EMILIN2: variants seen among roughly 807,000 people sequenced by gnomAD.
EMILIN2 encodes the protein EMILIN-2.
In EMILIN2, 71 loss-of-function variants were observed where a neutral mutation model predicts 87.1. The observed-to-expected ratio is 0.82, with a 90% CI of 0.67 to 0.99. The LOEUF is 0.99. EMILIN2 is among the 50% of genes least tolerant of loss of function. EMILIN2 has a pLI of 0.00. For synonymous variants in EMILIN2, 581 were observed against 563.4 expected (o/e 1.03, Z -0.44); for missense variants, 1,407 against 1,371.8 (o/e 1.03, Z -0.40).
chr18:2,905,119 G>A (rs757149906), intron 4 of EMILIN2, among the ~76,000 whole-genome samples: 2 of 151,988 alleles, frequency 1.3e-5, no homozygotes, highest in Admixed American at 6.6e-5. Context: ...ATTGTATGGC[G>A]TGAACTAACT....
intron 2 of EMILIN2, among the ~76,000 whole-genome samples, chr18:2,855,906 C>A (rs984659717): frequency 1.3e-5 from 2 of 152,180 alleles, no homozygotes; most frequent in African/African-American, 4.8e-5. Flanking sequence ...TCACCGTTTT[C>A]ATTGTTTGTC....
rs373148031 is a variant in EMILIN2 at position 2,858,547 on chromosome 18, A to G, written c.257+10616A>G. 4.3e-3 allele frequency among the ~76,000 whole-genome samples: 208 copies of G among 48,028 alleles called. 11 individuals are homozygous for G. The highest frequency in any genetic ancestry group is 4.2e-3 in the Non-Finnish European group (122 of 29,234). 31.5% of individuals were successfully genotyped at this position (48,028 alleles called of 152,430 possible). A position where few individuals can be genotyped will look rare whatever the true frequency, so the allele number is the denominator to read the frequency against. ...CATATATATATATATATATATATAT[A>G]TATATATATATATATATATATATGT... On this transcript the variant is annotated intron_variant, in intron 2 of 7. Coordinates refer to ENST00000254528, the MANE Select transcript of EMILIN2 (RefSeq NM_032048.3).
At chr18:2,873,646 G>A (rs921138039) in intron 2 of EMILIN2, among the ~76,000 whole-genome samples, 4 of 152,050 alleles carry the variant, frequency 2.6e-5, no homozygotes, top group Non-Finnish European at 5.9e-5. Context: ...GGCGGAGCTT[G>A]CAGTGAGCCA....
intron 4 of EMILIN2, among the ~76,000 whole-genome samples, chr18:2,897,334 C>T (rs1375309911): frequency 6.6e-6 from 1 of 152,158 alleles, no homozygotes; most frequent in Non-Finnish European, 1.5e-5. Flanking sequence ...ATTACTTAAA[C>T]CCTCCATACC....
chr18:2,855,438 A>G (rs560148861), intron 2 of EMILIN2, among the ~76,000 whole-genome samples: 1 of 152,358 alleles, frequency 6.6e-6, no homozygotes, highest in South Asian at 2.1e-4. Context: ...AGTGAATAGC[A>G]TTCAAATAGG....
chr18:2,873,916 A>G (rs1188424936), intron 2 of EMILIN2, among the ~76,000 whole-genome samples: 3 of 152,106 alleles, frequency 2.0e-5, no homozygotes, highest in African/African-American at 7.2e-5. Context: ...TAGCTCTCTG[A>G]ACCACTCTGG....
rs2076951103 is a variant in EMILIN2 at position 2,913,265 on chromosome 18, T to C, written c.3023T>C (p.Phe1008Ser). Residue 1008 changes from phenylalanine (F) to serine (S), a missense_variant, in exon 8 of 8, where the codon TTC (phenylalanine) becomes TCC (serine). Physicochemically the swap from Phe to Ser is radical, Grantham distance 155 (BLOSUM62 -2). Transcript: ENST00000254528. ...CATACCTGCGGGGGCCCGGGGGCAT[T>C]CCACCTCATCGTGCACCTGAAGGCG... ...ALHTCGGPGA[F>S]HLIVHLKAGD... 3 of 1,613,690 alleles carry C rather than the reference T, an allele frequency of 1.9e-6. No homozygotes were observed. Among genetic ancestry groups the C allele is most frequent in the Admixed American group, 3.3e-5 (2 of 59,994 alleles).
intron 2 of EMILIN2, among the ~76,000 whole-genome samples, chr18:2,874,088 G>A (rs1429651548): frequency 6.8e-6 from 1 of 147,894 alleles, no homozygotes; most frequent in Non-Finnish European, 1.5e-5. Context: ...TGGCCACCCT[G>A]ATTTGTCCTG....
chr18:2,852,037 G>A (rs1177423024), intron 2 of EMILIN2, among the ~76,000 whole-genome samples: 1 of 152,200 alleles, frequency 6.6e-6, no homozygotes, highest in Non-Finnish European at 1.5e-5. Context: ...GTGCCTGTTT[G>A]TTTGTCTTAG....
intron 2 of EMILIN2, among the ~76,000 whole-genome samples, chr18:2,876,397 G>T (rs1423091831): frequency 1.3e-5 from 2 of 152,148 alleles, no homozygotes; most frequent in Non-Finnish European, 2.9e-5. Flanking sequence ...TATATCTTTT[G>T]TACTGGGAAA....
intron 2 of EMILIN2, among the ~76,000 whole-genome samples, chr18:2,878,073 G>A (rs1288175364): frequency 1.3e-5 from 2 of 152,210 alleles, no homozygotes; most frequent in African/African-American, 2.4e-5. Flanking sequence ...GGTGTTTAAT[G>A]GGAACAGACT....
chr18:2,909,083 C>T, intron 6 of EMILIN2, 108 bp downstream of exon 6: 2 of 1,409,006 alleles, frequency 1.4e-6, no homozygotes, highest in East Asian at 2.3e-5. Context: ...ACAAATCAAG[C>T]CTGGGCCCAG....
chr18:2,913,000 C>A, intron 7 of EMILIN2, 67 bp from the exon 8 acceptor site: 1 of 1,536,700 alleles, frequency 6.5e-7, no homozygotes, highest in South Asian at 1.1e-5. Context: ...ACTGGGGGGC[C>A]ACTTACTACC....
At chr18:2,888,730 AAGAG>A (rs201410109) in intron 3 of EMILIN2, among the ~76,000 whole-genome samples, 2,922 of 148,956 alleles carry the variant, frequency 0.02, 32 homozygotes, top group Non-Finnish European at 0.027. Context: ...AAAAAAAAAA[AAGAG>A]AGAGAGAGAG....
chr18:2,904,228 C>G (rs2076900021), intron 4 of EMILIN2, among the ~76,000 whole-genome samples: 1 of 152,126 alleles, frequency 6.6e-6, no homozygotes, highest in East Asian at 1.9e-4. Context: ...TATATTTTTT[C>G]CCTTGAAAGT....
chr18:2,902,561 G>A (rs1264846859), intron 4 of EMILIN2, among the ~76,000 whole-genome samples: 3 of 152,182 alleles, frequency 2.0e-5, no homozygotes, highest in African/African-American at 7.2e-5. Context: ...GGTGCACATG[G>A]TAAAGGCACG....
rs144604351 is a variant in EMILIN2 at position 2,913,371 on chromosome 18, G to A, written c.3129G>A (p.Gly1043=). 9.4e-4 allele frequency: 1,509 copies of A among 1,609,436 alleles called. 1 individual carries two copies. Among genetic ancestry groups the A allele is most frequent in the Non-Finnish European group, 1.0e-3 (1,228 of 1,177,828 alleles). Residue 1043 remains glycine, a synonymous_variant, in exon 8 of 8, where the codon GGG becomes GGA. Transcript: ENST00000254528. Reference sequence around the variant, plus strand: ...ATGAAATGTACTCCACATTTAGTGGGGTTTTCTTATATCCTTTCCTTTCCC... The same window carrying A: ...ATGAAATGTACTCCACATTTAGTGGAGTTTTCTTATATCCTTTCCTTTCCC... ...DFDEMYSTFS[G]VFLYPFLSHL
chr18:2,864,904 C>A (rs2076678876), intron 2 of EMILIN2, among the ~76,000 whole-genome samples: 1 of 152,202 alleles, frequency 6.6e-6, no homozygotes, highest in African/African-American at 2.4e-5. Context: ...TTCTTGGAGG[C>A]TTTGTTCGTT....
At chr18:2,877,577 G>A (rs1053858508) in intron 2 of EMILIN2, among the ~76,000 whole-genome samples, 2 of 151,646 alleles carry the variant, frequency 1.3e-5, no homozygotes, top group Non-Finnish European at 2.9e-5. Context: ...CAGTAGTTGA[G>A]ACCAGCCTGA....
Sources: gnomAD v4.1 joint callset for allele counts (sites outside exome capture counted in the v4.1 genomes callset) on GRCh38, gnomAD v4.1.1 for gene constraint, MANE v1.5 for transcripts, NCBI Gene and HGNC (gene_info 2026-07-23, HGNC 2026-07-21) for gene names.